PCDHA5: variants seen among roughly 807,000 people sequenced by gnomAD.
The protein encoded by PCDHA5 is protocadherin alpha-5.
A neutral mutation model predicts 61.6 loss-of-function variants in PCDHA5; 43 were observed. That is an observed-to-expected ratio of 0.70 (90% CI 0.55 to 0.90). The LOEUF is 0.90. PCDHA5 is among the 40% of genes least tolerant of loss of function. The pLI, the probability that PCDHA5 is intolerant of heterozygous loss-of-function variation, is 0.00. For missense variants in PCDHA5, 1,298 were observed against 1,222.7 expected, an observed-to-expected ratio of 1.06 and a Z score of -0.92; for synonymous variants, 627 against 543.9, an observed-to-expected ratio of 1.15 and a Z score of -2.13.
intron 1 of PCDHA5, chr5:140,856,710 T>A: frequency 6.3e-7 from 1 of 1,596,610 alleles, no homozygotes; most frequent in Non-Finnish European, 8.6e-7. Context: ...AAACCTGAAT[T>A]TACCGGATCT....
intron 1 of PCDHA5, among the ~76,000 whole-genome samples, chr5:140,912,772 A>T (rs897864498): frequency 1.3e-5 from 2 of 152,190 alleles, no homozygotes; most frequent in South Asian, 4.1e-4. Flanking sequence ...ACTTTGAGGT[A>T]TGTCCCTTCT....
At chr5:140,836,871 T>C in intron 1 of PCDHA5, 1 of 696,422 alleles carries the variant, frequency 1.4e-6, no homozygotes, top group South Asian at 2.4e-5. Context: ...TGTTATGCTG[T>C]ATTTGCACTA....
chr5:140,886,659 C>T (rs782545078), intron 1 of PCDHA5, among the ~76,000 whole-genome samples: 4 of 151,858 alleles, frequency 2.6e-5, no homozygotes, highest in African/African-American at 4.8e-5. Context: ...AACCCTGTCT[C>T]TACTAAAAAT....
At chr5:140,960,306 A>G (rs1554224657) in intron 1 of PCDHA5, among the ~76,000 whole-genome samples, 1 of 152,136 alleles carries the variant, frequency 6.6e-6, no homozygotes, top group African/African-American at 2.4e-5. Context: ...ATCAATACCA[A>G]CCTCATTAGG....
At chr5:140,985,936 T>C (rs1379150817) in intron 3 of PCDHA5, among the ~76,000 whole-genome samples, 3 of 152,038 alleles carry the variant, frequency 2.0e-5, no homozygotes, top group Non-Finnish European at 2.9e-5. Context: ...AGCCGGGGTT[T>C]CACTGTGTTA....
intron 3 of PCDHA5, among the ~76,000 whole-genome samples, chr5:141,002,937 C>T (rs2098103358): frequency 6.6e-6 from 1 of 152,232 alleles, no homozygotes; most frequent in Non-Finnish European, 1.5e-5. Context: ...CCAACACCCT[C>T]CAGCACATGC....
intron 1 of PCDHA5, among the ~76,000 whole-genome samples, chr5:140,974,111 T>C (rs1475006775): frequency 2.0e-5 from 3 of 152,280 alleles, no homozygotes; most frequent in Non-Finnish European, 4.4e-5. Flanking sequence ...AAGTATTCTT[T>C]TGCAGTGTTT....
rs141054640 is a variant in PCDHA5 at position 140,849,634 on chromosome 5, A to G, written c.2352+25507A>G. The G allele has an allele frequency of 6.8e-4, 1,094 of 1,598,766 alleles. 107 individuals are homozygous for G. Among genetic ancestry groups the G allele is most frequent in the South Asian group, 1.2e-3 (106 of 90,564 alleles). On this transcript the variant is annotated intron_variant, in intron 1 of 3. Coordinates refer to ENST00000529859, the MANE Select transcript of PCDHA5 (RefSeq NM_018908.3). Reference sequence around the variant, plus strand: ...ATTAGTGTGATCGACCTAGACGCAGATGCCAACGGGCAGGTTACCTGCTCC... The same window carrying G: ...ATTAGTGTGATCGACCTAGACGCAGGTGCCAACGGGCAGGTTACCTGCTCC...
chr5:140,901,234 T>C (rs1013983503), intron 1 of PCDHA5, among the ~76,000 whole-genome samples: 1 of 152,156 alleles, frequency 6.6e-6, no homozygotes, highest in Non-Finnish European at 1.5e-5. Flanking sequence ...ATATATCCAT[T>C]TTTTTCCTTT....
chr5:140,844,634 A>G (rs1352743996), intron 1 of PCDHA5, among the ~76,000 whole-genome samples: 1 of 149,578 alleles, frequency 6.7e-6, no homozygotes, highest in Non-Finnish European at 1.5e-5. Flanking sequence ...AAAACTATAC[A>G]TGATAATTTC....
intron 1 of PCDHA5, among the ~76,000 whole-genome samples, chr5:140,838,622 A>G (rs1163136173): frequency 6.6e-6 from 1 of 152,030 alleles, no homozygotes; most frequent in Non-Finnish European, 1.5e-5. Flanking sequence ...AATTTTTTAC[A>G]AATAATTTGG....
intron 1 of PCDHA5, chr5:140,871,653 C>T: frequency 1.6e-6 from 2 of 1,244,250 alleles, no homozygotes; most frequent in Non-Finnish European, 2.2e-6. Flanking sequence ...CCAAATGATA[C>T]ACATCTTCAG....
At chr5:140,900,572 G>A (rs1244478745) in intron 1 of PCDHA5, among the ~76,000 whole-genome samples, 3 of 152,068 alleles carry the variant, frequency 2.0e-5, no homozygotes, top group Non-Finnish European at 4.4e-5. Flanking sequence ...CCACGGCACC[G>A]GCCCATTTTC....
At chr5:140,887,333 T>A (rs1214047567) in intron 1 of PCDHA5, among the ~76,000 whole-genome samples, 1 of 152,174 alleles carries the variant, frequency 6.6e-6, no homozygotes, top group African/African-American at 2.4e-5. Context: ...CCTGACCTCG[T>A]GATCCACCTG....
chr5:140,996,412 A>G (rs563756317), intron 3 of PCDHA5, among the ~76,000 whole-genome samples: 1 of 152,332 alleles, frequency 6.6e-6, no homozygotes, highest in Admixed American at 6.5e-5. Context: ...TGGGGCAGGC[A>G]GTGTGAAAAC....
intron 1 of PCDHA5, chr5:140,877,256 G>A (rs782364296): frequency 6.2e-7 from 1 of 1,613,628 alleles, no homozygotes; most frequent in African/African-American, 1.3e-5. Flanking sequence ...GCGAAAGTGC[G>A]CGCGGTGGAC....
intron 1 of PCDHA5, among the ~76,000 whole-genome samples, chr5:140,831,979 C>T (rs2150198667): frequency 6.6e-6 from 1 of 152,178 alleles, no homozygotes; most frequent in East Asian, 1.9e-4. Context: ...CTAGGAAACT[C>T]TCATTACGGA....
At chr5:141,000,223 G>A (rs1190945878) in intron 3 of PCDHA5, among the ~76,000 whole-genome samples, 2 of 151,642 alleles carry the variant, frequency 1.3e-5, no homozygotes, top group African/African-American at 4.8e-5. Flanking sequence ...AAATGCCTGT[G>A]TGGAGCTGAA....
rs2150358815 is a variant in PCDHA5 at position 140,843,384 on chromosome 5, G to A, written c.2352+19257G>A. The A allele has an allele frequency of 2.5e-6, 4 of 1,596,128 alleles. No individual in the cohort carries two copies. The Admixed American group carries it at 6.7e-5, about 27-fold the overall frequency. On this transcript the variant is annotated intron_variant, in intron 1 of 3. Coordinates refer to ENST00000529859, the MANE Select transcript of PCDHA5 (RefSeq NM_018908.3). ...TCGAGGCAGTCGGCTGGCGTTTTGG[G>A]TCCGGAAGCGGCGCTGGTGGATGTC...
Sources: gnomAD v4.1 joint callset for allele counts (sites outside exome capture counted in the v4.1 genomes callset) on GRCh38, gnomAD v4.1.1 for gene constraint, MANE v1.5 for transcripts, NCBI Gene and HGNC (gene_info 2026-07-23, HGNC 2026-07-21) for gene names.